ARL6IP6: variants seen among roughly 807,000 people sequenced by gnomAD.
ARL6IP6 encodes ADP-ribosylation factor-like protein 6-interacting protein 6.
In ARL6IP6, 22 loss-of-function variants were observed where a neutral mutation model predicts 21.5. The ratio of observed to expected loss-of-function variants is 1.02; its 90% CI spans 0.73 to 1.46. The LOEUF (loss-of-function observed/expected upper bound fraction) is 1.46, where lower values mean the gene tolerates loss of function less well. Among genes scored for constraint, ARL6IP6 ranks in the 40% most tolerant of loss-of-function variants. The probability of loss-of-function intolerance (pLI) is 0.00; values close to 1 mark genes in which losing one functional copy is unlikely to be tolerated. For synonymous variants in ARL6IP6, 164 were observed against 125.3 expected (o/e 1.31, Z -2.06); for missense variants, 388 against 299.8 (o/e 1.29, Z -2.17).
chr2:152,736,411 A>G (rs917028183), intron 3 of ARL6IP6, among the ~76,000 whole-genome samples: 1 of 152,216 alleles, frequency 6.6e-6, no homozygotes, highest in Non-Finnish European at 1.5e-5. Flanking sequence ...AGCATTTTGC[A>G]CTTAGAGTGA....
chr2:152,750,785 G>A (rs1290645965), intron 3 of ARL6IP6, among the ~76,000 whole-genome samples: 1 of 152,162 alleles, frequency 6.6e-6, no homozygotes, highest in Non-Finnish European at 1.5e-5. Flanking sequence ...TAACACAAAA[G>A]CATTTTAAAG....
intron 3 of ARL6IP6, among the ~76,000 whole-genome samples, chr2:152,756,520 AG>A (rs1344763156): frequency 6.6e-5 from 10 of 152,176 alleles, no homozygotes; most frequent in Admixed American, 6.5e-4. Flanking sequence ...TCTTATTAAG[AG>A]AGTAAAAAAA....
At chr2:152,755,854 C>T (rs1324270160) in intron 3 of ARL6IP6, among the ~76,000 whole-genome samples, 2 of 152,176 alleles carry the variant, frequency 1.3e-5, no homozygotes, top group African/African-American at 4.8e-5. Context: ...GGGGAGAAAA[C>T]CCACCGACCC....
At chr2:152,745,397 TC>T (rs1394324074) in intron 3 of ARL6IP6, among the ~76,000 whole-genome samples, 1 of 152,210 alleles carries the variant, frequency 6.6e-6, no homozygotes, top group African/African-American at 2.4e-5. Flanking sequence ...GCACTGATTT[TC>T]CCTCCTTGGA....
At chr2:152,735,152 T>G (rs557958024) in intron 3 of ARL6IP6, 26 bp downstream of exon 3, 12 of 1,610,752 alleles carry the variant, frequency 7.4e-6, no homozygotes, top group African/African-American at 1.3e-5. Flanking sequence ...TCCTGTTTCT[T>G]TTTTAAATGC....
chr2:152,717,671 C>G (rs944102235), upstream of ARL6IP6: 3 of 1,415,544 alleles, frequency 2.1e-6, no homozygotes, highest in Non-Finnish European at 2.8e-6. Flanking sequence ...GTTTCTGCGC[C>G]GAGTCCTCCG....
chr2:152,719,147 G>A (rs984741503), intron 1 of ARL6IP6, 123 bp downstream of exon 1: 2 of 1,163,402 alleles, frequency 1.7e-6, no homozygotes, highest in South Asian at 3.9e-5. Context: ...CTTTCACCCA[G>A]AGTCCTCATT....
chr2:152,737,640 G>A (rs956696421), intron 3 of ARL6IP6, among the ~76,000 whole-genome samples: 5 of 152,186 alleles, frequency 3.3e-5, no homozygotes, highest in Non-Finnish European at 5.9e-5. Context: ...GCAGGCAAGA[G>A]ACTGTGCAGG....
At chr2:152,717,900 C>T (rs1699236010), upstream of ARL6IP6, 1 of 1,004,270 alleles carries the variant, frequency 1.0e-6, no homozygotes, top group Non-Finnish European at 1.2e-6. Flanking sequence ...TGGCTGGGAC[C>T]GAATGCGCGC....
intron 3 of ARL6IP6, among the ~76,000 whole-genome samples, chr2:152,748,324 G>A (rs942613515): frequency 7.2e-5 from 11 of 152,266 alleles, no homozygotes; most frequent in Middle Eastern, 3.4e-3. Context: ...GTAGTTTTAC[G>A]TTTCTAAAAA....
At chr2:152,738,411 T>C (rs1291388721) in intron 3 of ARL6IP6, among the ~76,000 whole-genome samples, 5 of 152,226 alleles carry the variant, frequency 3.3e-5, no homozygotes, top group Non-Finnish European at 7.3e-5. Context: ...CCACCCCACA[T>C]TTCCCTTCTG....
intron 3 of ARL6IP6, among the ~76,000 whole-genome samples, chr2:152,743,708 T>C (rs1272990160): frequency 6.6e-6 from 1 of 152,186 alleles, no homozygotes; most frequent in African/African-American, 2.4e-5. Context: ...AATGCTTGTA[T>C]TTAAAGTTGT....
At chr2:152,732,108 A>G (rs1206858296) in intron 2 of ARL6IP6, among the ~76,000 whole-genome samples, 1 of 151,998 alleles carries the variant, frequency 6.6e-6, no homozygotes, top group African/African-American at 2.4e-5. Flanking sequence ...AATCTTGTAT[A>G]TACATCATTT....
At chr2:152,727,737 T>C (rs1238576647) in intron 2 of ARL6IP6, among the ~76,000 whole-genome samples, 1 of 148,328 alleles carries the variant, frequency 6.7e-6, no homozygotes, top group Non-Finnish European at 1.5e-5. Flanking sequence ...GTCTGTAGCA[T>C]TGGAATAATA....
chr2:152,735,807 A>G (rs1249181322), intron 3 of ARL6IP6, among the ~76,000 whole-genome samples: 1 of 121,452 alleles, frequency 8.2e-6, no homozygotes, highest in African/African-American at 2.9e-5. Flanking sequence ...ATTATATTAA[A>G]TTTATGTATG....
Position 152,720,605 on chromosome 2 carries a change from C to T in ARL6IP6, c.454+19C>T. 1.2e-6 allele frequency: 2 copies of T among 1,608,450 alleles called. No homozygotes were observed. The highest frequency in any genetic ancestry group is 1.7e-6 in the Non-Finnish European group (2 of 1,176,210). ...CTATTAGGTATGGACTTAATTGCCG[C>T]TTGCTTTGGTTTTGAGCTCACGTTT... On this transcript the variant is annotated intron_variant, in intron 2 of 3. Coordinates refer to ENST00000326446, the MANE Select transcript of ARL6IP6 (RefSeq NM_152522.7).
chr2:152,758,288 G>A (rs1301914374), intron 3 of ARL6IP6, among the ~76,000 whole-genome samples: 1 of 151,924 alleles, frequency 6.6e-6, no homozygotes. Context: ...TACATGTTCT[G>A]TACGGATGCA....
At chr2:152,756,123 T>G (rs1701582114) in intron 3 of ARL6IP6, among the ~76,000 whole-genome samples, 1 of 152,194 alleles carries the variant, frequency 6.6e-6, no homozygotes, top group African/African-American at 2.4e-5. Context: ...TTCTTGTGCT[T>G]TTGTTGTCAT....
intron 3 of ARL6IP6, among the ~76,000 whole-genome samples, chr2:152,748,369 G>A (rs564797543): frequency 7.2e-5 from 11 of 152,300 alleles, no homozygotes; most frequent in Admixed American, 7.2e-4. Context: ...ATACGGTGTT[G>A]CTTGTTTTTT....
Sources: gnomAD v4.1 joint callset for allele counts (sites outside exome capture counted in the v4.1 genomes callset) on GRCh38, gnomAD v4.1.1 for gene constraint, MANE v1.5 for transcripts, NCBI Gene and HGNC (gene_info 2026-07-23, HGNC 2026-07-21) for gene names.